MYBBP1A: variants seen among roughly 807,000 people sequenced by gnomAD.
MYBBP1A encodes myb-binding protein 1A.
In MYBBP1A, 147 loss-of-function variants were observed where a neutral mutation model predicts 136.3. The ratio of observed to expected loss-of-function variants is 1.08; its 90% CI spans 0.94 to 1.24. The LOEUF (loss-of-function observed/expected upper bound fraction) is 1.24, where lower values mean the gene tolerates loss of function less well. Among genes scored for constraint, MYBBP1A ranks in the 50% most tolerant of loss-of-function variants. MYBBP1A has a pLI of 0.00. For synonymous variants in MYBBP1A, 947 were observed against 735.8 expected (o/e 1.29, Z -4.65); for missense variants, 2,060 against 1,727.4 (o/e 1.19, Z -3.41).
At chr17:4,550,831 G>A (rs903503631) in intron 8 of MYBBP1A, among the ~76,000 whole-genome samples, 5 of 152,256 alleles carry the variant, frequency 3.3e-5, no homozygotes, top group Non-Finnish European at 5.9e-5. Flanking sequence ...GCCAGCACCC[G>A]CGCTCCGCCT....
At chr17:4,549,618 A>C (rs537820188) in intron 9 of MYBBP1A, among the ~76,000 whole-genome samples, 176 bp from the exon 10 acceptor site, 2 of 152,134 alleles carry the variant, frequency 1.3e-5, no homozygotes, top group South Asian at 4.2e-4. Flanking sequence ...CTCCATTAAA[A>C]ATACAAAAAT....
In MYBBP1A at chr17:4,543,003, C is replaced by CA; in HGVS notation, c.2801dup (p.Leu934PhefsTer7). On this transcript the variant is annotated frameshift_variant, in exon 20 of 26. Coordinates refer to ENST00000254718, the MANE Select transcript of MYBBP1A (RefSeq NM_014520.4). LOFTEE classifies it high-confidence loss of function. The stretch of plus-strand genomic sequence containing the variant: ...CGCAGCCCTCAGCAGTGTTGCCCTT[C>CA]AAGACCCGGAGCAGGTAGAGAGAGG... The CA allele has an allele frequency of 1.2e-6, 2 of 1,614,046 alleles. No homozygotes were observed. Among genetic ancestry groups the CA allele is most frequent in the Non-Finnish European group, 1.7e-6 (2 of 1,179,998 alleles).
rs752028920 is a variant in MYBBP1A at position 4,538,928 on chromosome 17, C to T, written c.*487G>A. ...GTTGCCTCCTCTTCCTTCCGGAAGC[C>T]AAACTGCTCCTTTATTTTTTAGAGC... On this transcript the variant is annotated 3_prime_UTR_variant, in exon 26 of 26. Transcript: ENST00000254718. 1.3e-6 allele frequency: 1 copy of T among 782,956 alleles called. No individual in the cohort carries two copies. Among genetic ancestry groups the T allele is most frequent in the South Asian group, 1.3e-5 (1 of 74,656 alleles). 48.5% of individuals were successfully genotyped at this position (782,956 alleles called of 1,614,324 possible).
chr17:4,554,818 T>A (rs746987228), intron 2 of MYBBP1A, 43 bp downstream of exon 2: 3 of 1,593,426 alleles, frequency 1.9e-6, no homozygotes, highest in African/African-American at 1.3e-5. Flanking sequence ...ACCCCACCAT[T>A]TTGACCTGGA....
In MYBBP1A at chr17:4,551,973, G is replaced by A. The variant is rs763546976; in HGVS notation, c.930C>T (p.Gly310=). ...PASYLCFRLL[G]AALPLLTKEQ... ...CCTTGGTCAGCAGGGGCAGGGCCGC[G>A]CCCAGCAGGCGGAAACACAGGTAGC... Residue 310 remains glycine, a synonymous_variant, in exon 8 of 26, where the codon GGC becomes GGT. Coordinates refer to ENST00000254718, the MANE Select transcript of MYBBP1A (RefSeq NM_014520.4). The A allele has an allele frequency of 1.1e-5, 17 of 1,610,680 alleles. No homozygotes were observed. The highest frequency in any genetic ancestry group is 5.0e-5 in the Admixed American group (3 of 59,948).
At position 4,549,209 on chromosome 17, in the gene MYBBP1A, C is replaced by T. The variant is rs1365103542; in HGVS notation, c.1430+123G>A. On this transcript the variant is annotated intron_variant, in intron 10 of 25. Coordinates refer to ENST00000254718, the MANE Select transcript of MYBBP1A (RefSeq NM_014520.4). The stretch of plus-strand genomic sequence containing the variant: ...GAATTCCCAAGTCCCCTTGTGCCTG[C>T]CCCCCACTGATGACTCAACCCAAAG... 1.3e-5 allele frequency: 10 copies of T among 757,898 alleles called. No individual in the cohort carries two copies. In the East Asian group the frequency reaches 1.4e-4, roughly 11 times the overall value. 46.9% of individuals were successfully genotyped at this position (757,898 alleles called of 1,614,324 possible). A position where few individuals can be genotyped will look rare whatever the true frequency, so the allele number is the denominator to read the frequency against.
chr17:4,554,834 G>C, intron 2 of MYBBP1A, 27 bp downstream of exon 2: 1 of 1,608,306 alleles, frequency 6.2e-7, no homozygotes, highest in Non-Finnish European at 8.5e-7. Context: ...CTGGATGGCT[G>C]GGACCCTGCC....
chr17:4,541,328 G>C, intron 24 of MYBBP1A, 135 bp downstream of exon 24: 1 of 789,778 alleles, frequency 1.3e-6, no homozygotes, highest in South Asian at 1.6e-5. Flanking sequence ...CCAGAGCCCT[G>C]GCCCAGGCAC....
rs200098602 is a variant in MYBBP1A at position 4,539,532 on chromosome 17, T to C, written c.3870A>G (p.Ser1290=). 61 of 1,614,018 alleles carry C rather than the reference T, an allele frequency of 3.8e-5. No homozygotes were observed. The East Asian group carries it at 1.2e-3, about 31-fold the overall frequency. The change falls in exon 26 of 26, where the codon TCA becomes TCG. Residue 1290 remains serine (S), a synonymous_variant. Transcript: ENST00000254718. ...TTTTCCGTGCCAGCGCGGACAGTGG[T>C]GATTTGCCCAAGACCCCCTTTTTGG... ...ALPKKGVLGK[S]PLSALARKKA...
At chr17:4,551,857 C>A in intron 8 of MYBBP1A, 23 bp downstream of exon 8, 2 of 1,597,518 alleles carry the variant, frequency 1.3e-6, no homozygotes, top group South Asian at 2.2e-5. Context: ...CTGGCAGTGT[C>A]GAGCTGCACG....
At chr17:4,540,247 G>A (rs374487205) in intron 25 of MYBBP1A, 101 bp downstream of exon 25, 5 of 1,403,390 alleles carry the variant, frequency 3.6e-6, no homozygotes, top group African/African-American at 1.7e-5. Context: ...CGTGTGCAGT[G>A]TGCGTGTGCA....
intron 19 of MYBBP1A, among the ~76,000 whole-genome samples, chr17:4,543,831 C>G (rs1906692232): frequency 6.6e-6 from 1 of 152,138 alleles, no homozygotes; most frequent in Admixed American, 6.5e-5. Flanking sequence ...CAGCCCCTCC[C>G]AAACCCTTCT....
Position 4,544,615 on chromosome 17 carries a change from T to G in MYBBP1A, c.2513A>C (p.Lys838Thr), listed in dbSNP as rs1356808591. The change falls in exon 19 of 26, where the codon AAG (lysine) becomes ACG (threonine). Residue 838 changes from lysine (K) to threonine (T), a missense_variant. Transcript: ENST00000254718. ...VLDLVEVLVT[K>T]QPENALVLEL... ...CAGGACCAGGGCATTCTCGGGCTGC[T>G]TGGTCACTAGCACCTCCACCAGGTC... 1.9e-6 allele frequency: 3 copies of G among 1,589,224 alleles called. No homozygotes were observed. In the African/African-American group the frequency reaches 4.1e-5, roughly 22 times the overall value.
chr17:4,542,528 A>G lies in MYBBP1A; in HGVS notation c.3023T>C (p.Leu1008Pro), dbSNP rs1567604443. Residue 1008 changes from leucine (L) to proline (P), a missense_variant, in exon 22 of 26, where the codon CTC becomes CCC. Coordinates refer to ENST00000254718, the MANE Select transcript of MYBBP1A (RefSeq NM_014520.4). Reference protein sequence around the residue: ...FLSLFSRHPVLCQSLLPILVQ... With the variant: ...FLSLFSRHPVPCQSLLPILVQ... Reference sequence around the variant, plus strand: ...CAGGATGGGGAGCAGGCTCTGACAGAGCACCTGGTGGGGAGTGACAAGGGC... The same window carrying G: ...CAGGATGGGGAGCAGGCTCTGACAGGGCACCTGGTGGGGAGTGACAAGGGC... 6.2e-7 allele frequency: 1 copy of G among 1,612,350 alleles called. No homozygotes were observed. Among genetic ancestry groups the G allele is most frequent in the Non-Finnish European group, 8.5e-7 (1 of 1,178,864 alleles).
At chr17:4,553,024 G>A (rs1219992772) in intron 5 of MYBBP1A, among the ~76,000 whole-genome samples, 1 of 152,168 alleles carries the variant, frequency 6.6e-6, no homozygotes, top group African/African-American at 2.4e-5. Flanking sequence ...GTTTCACCAT[G>A]TTGGCCAGGC....
chr17:4,548,592 C>G lies in MYBBP1A; in HGVS notation c.1488G>C (p.Glu496Asp). The change falls in exon 11 of 26, where the codon GAG becomes GAC. Residue 496 changes from glutamate to aspartate, a missense_variant. By Grantham distance (45) the Glu-to-Asp change is conservative. Coordinates refer to ENST00000254718, the MANE Select transcript of MYBBP1A (RefSeq NM_014520.4). This position sits in a 1 kb window ranked among gnomAD's most constrained non-coding sequence, Gnocchi z 4.2. The part of the protein sequence containing the change: ...VTKKPTSQIP[E>D]TKHPFSFPLE... Reference sequence around the variant, plus strand: ...AAGGGAAGGAGAACGGGTGCTTTGTCTCAGGGATCTGGGATGTGGGCTTCT... The same window carrying G: ...AAGGGAAGGAGAACGGGTGCTTTGTGTCAGGGATCTGGGATGTGGGCTTCT... 1.9e-6 allele frequency: 3 copies of G among 1,614,208 alleles called. No individual in the cohort carries two copies. Among genetic ancestry groups the G allele is most frequent in the Non-Finnish European group, 2.5e-6 (3 of 1,180,002 alleles).
chr17:4,540,785 C>G (rs1335746613), intron 24 of MYBBP1A, among the ~76,000 whole-genome samples: 1 of 152,208 alleles, frequency 6.6e-6, no homozygotes, highest in Non-Finnish European at 1.5e-5. Context: ...CCCCAGCACT[C>G]CATCACCGCG....
rs750253399 is a variant in MYBBP1A at position 4,539,693 on chromosome 17, C to T, written c.3709G>A (p.Ala1237Thr). The change falls in exon 26 of 26, where the codon GCC becomes ACC. Residue 1237 changes from alanine (A) to threonine (T), a missense_variant. Coordinates refer to ENST00000254718, the MANE Select transcript of MYBBP1A (RefSeq NM_014520.4). ...TPTTKSPAPG[A>T]PTRSPSTPAK... is the part of the protein sequence containing the mutation. ...GGGGTGCTGGGGCTCCGGGTGGGGG[C>T]GCCAGGGGCTGGACTCTTGGTGGTT... 1.4e-5 allele frequency: 23 copies of T among 1,604,366 alleles called. No individual in the cohort carries two copies. The highest frequency in any genetic ancestry group is 4.1e-5 in the African/African-American group (3 of 73,770).
Position 4,552,328 on chromosome 17 carries a change from C to CA in MYBBP1A, c.738-37dup. On this transcript the variant is annotated intron_variant, in intron 6 of 25. Transcript: ENST00000254718. This position sits in a 1 kb window ranked among gnomAD's most constrained non-coding sequence, Gnocchi z 4.7. ...CAAGGGACTCAGGGAACACTTGCCT[C>CA]ACAGGCAAGGGCCAGGGTGACAAGA... 6.2e-7 allele frequency: 1 copy of CA among 1,612,054 alleles called. No individual in the cohort carries two copies. Among genetic ancestry groups the CA allele is most frequent in the Non-Finnish European group, 8.5e-7 (1 of 1,179,294 alleles).
Sources: allele counts gnomAD v4.1 joint callset (sites outside exome capture counted in the v4.1 genomes callset), GRCh38; gene constraint gnomAD v4.1.1; non-coding constraint Gnocchi (gnomAD v3.1); transcripts MANE v1.5; gene names NCBI Gene and HGNC (gene_info 2026-07-23, HGNC 2026-07-21).